PARVG: variants seen among roughly 807,000 people sequenced by gnomAD.
PARVG encodes gamma-parvin.
PARVG carries 36 observed loss-of-function variants against 44.4 expected under a neutral mutation model. The observed-to-expected ratio is 0.81, with a 90% CI of 0.62 to 1.07. PARVG has a LOEUF of 1.07. Ranked by LOEUF, PARVG falls within the 50% of genes least tolerant of loss-of-function variation. The pLI is 0.00. For missense variants in PARVG, 407 were observed against 407.4 expected (o/e 1.00, Z 0.01); for synonymous variants, 170 against 174.1 (o/e 0.98, Z 0.19).
At chr22:44,183,818 G>A (rs2054422553) in intron 3 of PARVG, 1 of 393,766 alleles carries the variant, frequency 2.5e-6, no homozygotes, top group South Asian at 1.3e-4. Context: ...GCAAGTGGTG[G>A]ACCTGGGTTC....
upstream of PARVG, among the ~76,000 whole-genome samples, chr22:44,180,389 G>A (rs144405961): frequency 3.3e-4 from 50 of 152,242 alleles, 1 homozygote; most frequent in East Asian, 8.5e-3. Context: ...GGAATATACC[G>A]TCTCTTTGCT....
At chr22:44,193,853 G>A in intron 9 of PARVG, 30 bp downstream of exon 9, 1 of 1,613,618 alleles carries the variant, frequency 6.2e-7, no homozygotes, top group Non-Finnish European at 8.5e-7. Flanking sequence ...TTGGAAATCT[G>A]TTCCTATCTG....
intron 11 of PARVG, among the ~76,000 whole-genome samples, chr22:44,197,094 C>T (rs1202655879): frequency 6.6e-6 from 1 of 152,148 alleles, no homozygotes; most frequent in Non-Finnish European, 1.5e-5. Flanking sequence ...ATGACGTAGG[C>T]ATCTGGCCAC....
chr22:44,183,277 C>G (rs747419665), intron 2 of PARVG, 41 bp from the exon 3 acceptor site: 15 of 1,547,970 alleles, frequency 9.7e-6, no homozygotes, highest in Middle Eastern at 1.7e-4. Flanking sequence ...GAGTTTGGGG[C>G]TTCTCAGACC....
chr22:44,190,078 A>C (rs4998295), intron 6 of PARVG, among the ~76,000 whole-genome samples: 46,315 of 152,084 alleles, frequency 0.3, 7,228 homozygotes, highest in Middle Eastern at 0.49. Context: ...AGCTTCTCCA[A>C]GGTTGGGCGG....
intron 10 of PARVG, 48 bp from the exon 11 acceptor site, chr22:44,196,299 C>T: frequency 6.2e-7 from 1 of 1,613,966 alleles, no homozygotes; most frequent in Non-Finnish European, 8.5e-7. Context: ...ATCACGGGTC[C>T]TCCCATCACA....
chr22:44,188,205 C>T, intron 5 of PARVG: 1 of 349,288 alleles, frequency 2.9e-6, no homozygotes, highest in East Asian at 5.9e-5. Context: ...ATGATCCCTG[C>T]CCTCGGGCTG....
upstream of PARVG, among the ~76,000 whole-genome samples, chr22:44,178,075 A>C (rs1331948333): frequency 5.9e-5 from 9 of 152,044 alleles, no homozygotes; most frequent in Admixed American, 5.9e-4. Flanking sequence ...TTCACCTTCC[A>C]CCATGACTGT....
rs1383935182 is a variant in PARVG, at chr22:44,188,162, G to C, written c.247+284G>C. ...CTCTAACACTTATTGAGTGCCTGCT[G>C]TTTTGAGGTGCTGGGAGGTAACAAA... On this transcript the variant is annotated intron_variant, in intron 5 of 13. Coordinates refer to ENST00000444313, the MANE Select transcript of PARVG (RefSeq NM_022141.7). 1.5e-5 allele frequency: 7 copies of C among 468,618 alleles called. No individual in the cohort carries two copies. In the Admixed American group the frequency reaches 2.3e-4, roughly 16 times the overall value. The allele number at this position is 468,618 out of a possible 1,614,324, so 29.0% of individuals were successfully genotyped here. A position where few individuals can be genotyped will look rare whatever the true frequency, so the allele number is the denominator to read the frequency against.
intron 1 of PARVG, 186 bp from the exon 2 acceptor site, chr22:44,181,556 G>T: frequency 1.8e-6 from 1 of 571,328 alleles, no homozygotes; most frequent in Non-Finnish European, 2.2e-6. Flanking sequence ...AACAGCCTGC[G>T]GGGAAACTGG....
At chr22:44,195,398 A>G (rs1184375414) in intron 9 of PARVG, among the ~76,000 whole-genome samples, 1 of 152,250 alleles carries the variant, frequency 6.6e-6, no homozygotes, top group East Asian at 1.9e-4. Flanking sequence ...GCTGAGTGGC[A>G]GAAGCCACAG....
intron 12 of PARVG, among the ~76,000 whole-genome samples, chr22:44,200,707 C>A (rs1055563601): frequency 6.6e-6 from 1 of 152,196 alleles, no homozygotes; most frequent in Non-Finnish European, 1.5e-5. Context: ...GTCCCAGGGC[C>A]AGCCTCTGGG....
At chr22:44,177,678 A>G (rs1048317650), upstream of PARVG, among the ~76,000 whole-genome samples, 3 of 152,132 alleles carry the variant, frequency 2.0e-5, no homozygotes, top group Admixed American at 2.0e-4. Flanking sequence ...GCGCATCATT[A>G]CCAGGAGACA....
rs74582648 is a variant in PARVG, at chr22:44,192,436, A to G, written c.560+332A>G. 7.5e-3 allele frequency among the ~76,000 whole-genome samples: 1,143 copies of G among 152,278 alleles called. 5 individuals are homozygous for G. Among genetic ancestry groups the G allele is most frequent in the African/African-American group, 8.1e-3 (336 of 41,558 alleles). ...GTTCCTCTTTCCTTGCAAAGCTGTAAGAGTTAGAGGCCCCTGCATGGCCAG... is the reference window on the plus strand; with the variant it reads ...GTTCCTCTTTCCTTGCAAAGCTGTAGGAGTTAGAGGCCCCTGCATGGCCAG... On this transcript the variant is annotated intron_variant, in intron 8 of 13. Transcript: ENST00000444313.
chr22:44,189,902 A>T (rs1249279351), intron 6 of PARVG, among the ~76,000 whole-genome samples: 1 of 152,188 alleles, frequency 6.6e-6, no homozygotes, highest in African/African-American at 2.4e-5. Context: ...GGGCTACAAG[A>T]GTGAGACTCC....
chr22:44,185,492 C>G (rs1446137465), intron 3 of PARVG: 2 of 269,728 alleles, frequency 7.4e-6, no homozygotes, highest in Non-Finnish European at 1.5e-5. Flanking sequence ...GGCACCTCCT[C>G]CCCTCTCTGG....
chr22:44,201,344 G>A (rs1035853685), intron 12 of PARVG, among the ~76,000 whole-genome samples: 4 of 152,286 alleles, frequency 2.6e-5, no homozygotes, highest in Middle Eastern at 3.4e-3. Context: ...GGGAGCCCAG[G>A]GCCCGAGAGG....
Position 44,190,340 on chromosome 22 carries a change from C to T in PARVG, c.389-211C>T, listed in dbSNP as rs117578852. 2.9e-4 allele frequency among the ~76,000 whole-genome samples: 44 copies of T among 152,302 alleles called. No individual in the cohort carries two copies. In the East Asian group the frequency reaches 8.3e-3, roughly 29 times the overall value. The stretch of plus-strand genomic sequence containing the variant: ...AGCCCCTTCCACAAGGTAGATCATA[C>T]CCCTGGGCTATATTCTAAGAAGTGA... On this transcript the variant is annotated intron_variant, in intron 6 of 13. Coordinates refer to ENST00000444313, the MANE Select transcript of PARVG (RefSeq NM_022141.7).
At chr22:44,202,564 G>C (rs2054724087) in intron 12 of PARVG, among the ~76,000 whole-genome samples, 1 of 152,240 alleles carries the variant, frequency 6.6e-6, no homozygotes, top group African/African-American at 2.4e-5. Flanking sequence ...AGTCAGATTA[G>C]ATGTGGGGGA....
Sources: gnomAD v4.1 joint callset for allele counts (sites outside exome capture counted in the v4.1 genomes callset) on GRCh38, gnomAD v4.1.1 for gene constraint, MANE v1.5 for transcripts, NCBI Gene and HGNC (gene_info 2026-07-23, HGNC 2026-07-21) for gene names.